Variants in MCM2 observed in about 807,000 individuals in gnomAD.
The protein encoded by MCM2 is DNA replication licensing factor MCM2.
MCM2 carries 49 observed loss-of-function variants against 86.4 expected under a neutral mutation model. That is an observed-to-expected ratio of 0.57 (90% CI 0.45 to 0.72). MCM2 has a LOEUF of 0.72. MCM2 is among the 30% of genes least tolerant of loss of function. MCM2 has a pLI of 0.00. For synonymous variants in MCM2, 475 were observed against 484.6 expected (o/e 0.98, Z 0.26); for missense variants, 1,038 against 1,259.9 (o/e 0.82, Z 2.67).
At chr3:127,600,049 G>A (rs1416024042) in intron 2 of MCM2, among the ~76,000 whole-genome samples, 3 of 152,248 alleles carry the variant, frequency 2.0e-5, no homozygotes, top group Non-Finnish European at 2.9e-5. Flanking sequence ...GGAGGCCGAG[G>A]TGGGCGGATC....
rs2307315 is a variant in MCM2 at position 127,606,112 on chromosome 3, T to C, written c.674-6T>C. 17,966 of 1,612,390 alleles carry C rather than the reference T, an allele frequency of 0.011. 898 individuals carry two copies. In the African/African-American group the frequency reaches 0.11, roughly 10 times the overall value. On this transcript the variant is annotated splice_polypyrimidine_tract_variant and splice_region_variant and intron_variant, in intron 4 of 15. Transcript: ENST00000265056. This position sits in a 1 kb window ranked among gnomAD's most constrained non-coding sequence, Gnocchi z 4.2. Reference sequence around the variant, plus strand: ...TTAACTCTCTTCCCACTGTGCCCCCTTCTAGAGAACCGTGAGAGCCTGGTG... The same window carrying C: ...TTAACTCTCTTCCCACTGTGCCCCCCTCTAGAGAACCGTGAGAGCCTGGTG...
chr3:127,603,081 G>T (rs1176843813), intron 2 of MCM2, among the ~76,000 whole-genome samples: 1 of 150,766 alleles, frequency 6.6e-6, no homozygotes, highest in East Asian at 1.9e-4. Flanking sequence ...GTGTGATCTC[G>T]GCTCACTGCA....
At chr3:127,611,446 A>G (rs1046012232) in intron 8 of MCM2, among the ~76,000 whole-genome samples, 15 of 152,202 alleles carry the variant, frequency 9.9e-5, no homozygotes, top group Middle Eastern at 3.4e-3. Context: ...TGTGGCGGGC[A>G]TGGCATGCCT....
chr3:127,604,806 C>G, intron 3 of MCM2, 23 bp downstream of exon 3: 1 of 1,574,240 alleles, frequency 6.4e-7, no homozygotes, highest in African/African-American at 1.3e-5. Flanking sequence ...GTCTGCCTGC[C>G]CGAGGGACTG....
chr3:127,603,252 G>A (rs941151520), intron 2 of MCM2, among the ~76,000 whole-genome samples: 1 of 152,100 alleles, frequency 6.6e-6, no homozygotes, highest in African/African-American at 2.4e-5. Flanking sequence ...GCCCGCCTCA[G>A]CCTCCCAAAG....
At chr3:127,611,926 C>T (rs1387855659) in intron 8 of MCM2, among the ~76,000 whole-genome samples, 1 of 144,356 alleles carries the variant, frequency 6.9e-6, no homozygotes, top group African/African-American at 2.9e-5. Flanking sequence ...GTCTCGATCT[C>T]CTGACCTCGT....
At chr3:127,602,127 G>A (rs1011400103) in intron 2 of MCM2, among the ~76,000 whole-genome samples, 2 of 149,208 alleles carry the variant, frequency 1.3e-5, no homozygotes, top group Non-Finnish European at 3.0e-5. Context: ...CTTTTGAAGT[G>A]CAAAAGTTTT....
chr3:127,599,625 G>A, intron 2 of MCM2, 78 bp downstream of exon 2: 2 of 1,317,000 alleles, frequency 1.5e-6, no homozygotes, highest in Non-Finnish European at 2.1e-6. Context: ...CTGGCTTTGG[G>A]AGCTGGGAGC....
In MCM2 at chr3:127,621,070, C is replaced by T; in HGVS notation, c.2449-3C>T. 1 of 1,613,964 alleles carries T rather than the reference C, an allele frequency of 6.2e-7. No individual in the cohort carries two copies. The highest frequency in any genetic ancestry group is 8.5e-7 in the Non-Finnish European group (1 of 1,179,902). On this transcript the variant is annotated splice_polypyrimidine_tract_variant and splice_region_variant and intron_variant, in intron 14 of 15. Coordinates refer to ENST00000265056, the MANE Select transcript of MCM2 (RefSeq NM_004526.4). The stretch of plus-strand genomic sequence containing the variant: ...GTGTTTGACTGAGGCTTTTTTCCTG[C>T]AGACTTTTGCCCGCTACCTTTCATT...
At chr3:127,616,661 C>T (rs1260542543) in intron 9 of MCM2, among the ~76,000 whole-genome samples, 1 of 152,258 alleles carries the variant, frequency 6.6e-6, no homozygotes, top group African/African-American at 2.4e-5. Context: ...AAGGACATCT[C>T]GTGCAACCCT....
chr3:127,617,999 C>T lies in MCM2; in HGVS notation c.1931C>T (p.Ser644Phe), dbSNP rs1464232399. 1 of 1,614,098 alleles carries T rather than the reference C, an allele frequency of 6.2e-7. No individual in the cohort carries two copies. The highest frequency in any genetic ancestry group is 1.7e-5 in the Admixed American group (1 of 60,016). ...CGCTACGACCCCTCGCTGACTTTCT[C>T]TGAGAACGTGGACCTCACAGAGCCC... ...GGRYDPSLTF[S>F]ENVDLTEPII... Residue 644 changes from serine (S) to phenylalanine (F), a missense_variant, in exon 12 of 16, where the codon TCT (serine) becomes TTT (phenylalanine). Coordinates refer to ENST00000265056, the MANE Select transcript of MCM2 (RefSeq NM_004526.4). The surrounding 1 kb of genome is among the most constrained non-coding windows in gnomAD (Gnocchi z 4.1).
At chr3:127,616,631 T>A (rs1180633989) in intron 9 of MCM2, among the ~76,000 whole-genome samples, 2 of 152,240 alleles carry the variant, frequency 1.3e-5, no homozygotes, top group Non-Finnish European at 2.9e-5. Flanking sequence ...TTAGATTGTT[T>A]CTGATATTTC....
chr3:127,602,284 C>T (rs1344990021), intron 2 of MCM2, among the ~76,000 whole-genome samples: 4 of 151,016 alleles, frequency 2.6e-5, no homozygotes, highest in Non-Finnish European at 5.9e-5. Context: ...AGAAATCAGA[C>T]CTGGTCAACT....
At chr3:127,603,523 T>C (rs2074320973) in intron 2 of MCM2, among the ~76,000 whole-genome samples, 1 of 152,112 alleles carries the variant, frequency 6.6e-6, no homozygotes, top group African/African-American at 2.4e-5. Flanking sequence ...TCTTACTCTG[T>C]CACCCAGGCT....
Position 127,619,096 on chromosome 3 carries a change from G to A in MCM2, c.2083G>A (p.Gly695Arg). ...RHHPSNKEEE[G>R]LANGSAAEPA... ...CCACCCCAGCAACAAGGAGGAGGAGGGGCTGGCCAATGGCAGCGCTGCTGA... is the reference window on the plus strand; with the variant it reads ...CCACCCCAGCAACAAGGAGGAGGAGAGGCTGGCCAATGGCAGCGCTGCTGA... Residue 695 changes from glycine (G) to arginine (R), a missense_variant, in exon 13 of 16, where the codon GGG becomes AGG. Coordinates refer to ENST00000265056, the MANE Select transcript of MCM2 (RefSeq NM_004526.4). 1 of 1,613,356 alleles carries A rather than the reference G, an allele frequency of 6.2e-7. No homozygotes were observed. Among genetic ancestry groups the A allele is most frequent in the Non-Finnish European group, 8.5e-7 (1 of 1,179,596 alleles).
At chr3:127,609,132 C>A in intron 8 of MCM2, 109 bp downstream of exon 8, 1 of 1,152,064 alleles carries the variant, frequency 8.7e-7, no homozygotes, top group Non-Finnish European at 1.2e-6. Flanking sequence ...TTGCCTTATT[C>A]CCCTGGAGCT....
In MCM2 at chr3:127,617,843, T is replaced by A; in HGVS notation, c.1901-126T>A. ...CTTTGCTGTCTCAGACAGCAGGTGC[T>A]AAGTACCCACCTATGTCTTCCTCTT... On this transcript the variant is annotated intron_variant, in intron 11 of 15. Coordinates refer to ENST00000265056, the MANE Select transcript of MCM2 (RefSeq NM_004526.4). The surrounding 1 kb of genome is among the most constrained non-coding windows in gnomAD (Gnocchi z 4.1). 2.8e-6 allele frequency: 2 copies of A among 709,500 alleles called. No homozygotes were observed. The highest frequency in any genetic ancestry group is 4.9e-6 in the Non-Finnish European group (2 of 406,228). 44.0% of individuals were successfully genotyped at this position (709,500 alleles called of 1,614,324 possible).
Position 127,617,542 on chromosome 3 carries a change from T to C in MCM2, c.1900+137T>C. On this transcript the variant is annotated intron_variant, in intron 11 of 15. Transcript: ENST00000265056. This position sits in a 1 kb window ranked among gnomAD's most constrained non-coding sequence, Gnocchi z 4.1. ...CAGCAGAGGGTTCCCCTCTTCTGCA[T>C]ATCCTGCCAGAGTGGGGAACAGTGA... The C allele has an allele frequency of 9.0e-7, 1 of 1,117,068 alleles. No homozygotes were observed. The highest frequency in any genetic ancestry group is 1.2e-6 in the Non-Finnish European group (1 of 807,290). 69.2% of individuals were successfully genotyped at this position (1,117,068 alleles called of 1,614,324 possible). A position where few individuals can be genotyped will look rare whatever the true frequency, so the allele number is the denominator to read the frequency against.
chr3:127,598,579 G>A, intron 1 of MCM2, 107 bp downstream of exon 1: 1 of 1,413,416 alleles, frequency 7.1e-7, no homozygotes, highest in Non-Finnish European at 9.5e-7. Flanking sequence ...GGTGAGGCTG[G>A]GCCCCAGGCT....
Sources: gnomAD v4.1 joint callset for allele counts (sites outside exome capture counted in the v4.1 genomes callset) on GRCh38, gnomAD v4.1.1 for gene constraint, Gnocchi (gnomAD v3.1) non-coding constraint, MANE v1.5 for transcripts, NCBI Gene and HGNC (gene_info 2026-07-23, HGNC 2026-07-21) for gene names.